Variants in MBP observed in about 807,000 individuals in gnomAD.
MBP encodes the protein Golli-MBP.
A neutral mutation model predicts 35.8 loss-of-function variants in MBP; 16 were observed. The ratio of observed to expected loss-of-function variants is 0.45; its 90% CI spans 0.30 to 0.68. The LOEUF (loss-of-function observed/expected upper bound fraction) is 0.68, where lower values mean the gene tolerates loss of function less well. MBP is among the 30% of genes least tolerant of loss of function. The pLI is 0.08. For missense variants in MBP, 380 were observed against 404.7 expected, an observed-to-expected ratio of 0.94 and a Z score of 0.52; for synonymous variants, 143 against 159.6, an observed-to-expected ratio of 0.90 and a Z score of 0.78.
intron 4 of MBP, among the ~76,000 whole-genome samples, chr18:77,002,226 G>C (rs1182435876): frequency 6.6e-6 from 1 of 152,176 alleles, no homozygotes; most frequent in Non-Finnish European, 1.5e-5. Context: ...CATGCACCTG[G>C]CTCTCTCCAC....
chr18:77,064,662 C>CA (rs1264039996), intron 3 of MBP, among the ~76,000 whole-genome samples: 9 of 151,934 alleles, frequency 5.9e-5, no homozygotes, highest in Non-Finnish European at 8.8e-5. Flanking sequence ...TAATCACGAA[C>CA]AAAAAAAATC....
chr18:77,065,148 A>G (rs1974142783), intron 3 of MBP, among the ~76,000 whole-genome samples: 1 of 152,234 alleles, frequency 6.6e-6, no homozygotes, highest in Admixed American at 6.5e-5. Flanking sequence ...TTCATTTTCT[A>G]TTGCTATAAC....
chr18:77,064,675 C>T (rs903178015), intron 3 of MBP, among the ~76,000 whole-genome samples: 5 of 152,166 alleles, frequency 3.3e-5, no homozygotes, highest in Admixed American at 3.3e-4. Flanking sequence ...AAAAAATCGG[C>T]ATAAATTATC....
At chr18:77,064,493 G>T (rs952413672) in intron 3 of MBP, among the ~76,000 whole-genome samples, 7 of 152,154 alleles carry the variant, frequency 4.6e-5, no homozygotes, top group African/African-American at 1.7e-4. Flanking sequence ...TCTAGTAAAG[G>T]AGTCCTCATT....
intron 2 of MBP, among the ~76,000 whole-genome samples, chr18:77,097,926 G>A (rs1975830108): frequency 6.6e-6 from 1 of 151,882 alleles, no homozygotes; most frequent in Non-Finnish European, 1.5e-5. Flanking sequence ...AAAAAATACA[G>A]TATTTAAATA....
intron 4 of MBP, chr18:77,015,079 C>T: frequency 4.1e-6 from 4 of 982,604 alleles, no homozygotes; most frequent in Non-Finnish European, 4.8e-6. Context: ...ACAATAAAGG[C>T]TGTAATCTTA....
intron 4 of MBP, among the ~76,000 whole-genome samples, chr18:76,995,440 TATG>T (rs1271130776): frequency 2.6e-5 from 4 of 152,182 alleles, no homozygotes; most frequent in African/African-American, 7.2e-5. Flanking sequence ...TAAGATTGAC[TATG>T]CAGCCATGGT....
At chr18:77,030,589 T>C (rs1351820705) in intron 3 of MBP, among the ~76,000 whole-genome samples, 1 of 152,242 alleles carries the variant, frequency 6.6e-6, no homozygotes, top group Non-Finnish European at 1.5e-5. Context: ...TCCATATATC[T>C]AAATACACCA....
chr18:77,042,536 G>A (rs1173486855), intron 3 of MBP, among the ~76,000 whole-genome samples: 1 of 152,126 alleles, frequency 6.6e-6, no homozygotes, highest in Admixed American at 6.5e-5. Flanking sequence ...TCTGTATTGC[G>A]GGATAGACAT....
chr18:77,025,486 G>A (rs768149221), intron 3 of MBP, among the ~76,000 whole-genome samples: 4 of 152,050 alleles, frequency 2.6e-5, no homozygotes, highest in Non-Finnish European at 2.9e-5. Flanking sequence ...AACAAAAGCC[G>A]AGTCCCACAC....
At chr18:77,049,551 T>C (rs1456112920) in intron 3 of MBP, among the ~76,000 whole-genome samples, 1 of 152,238 alleles carries the variant, frequency 6.6e-6, no homozygotes, top group Non-Finnish European at 1.5e-5. Flanking sequence ...CTCAGATTTA[T>C]TTATTATTAG....
intron 3 of MBP, 169 bp from the exon 4 acceptor site, chr18:77,017,437 C>T (rs2123469660): frequency 4.3e-6 from 2 of 461,718 alleles, no homozygotes; most frequent in Non-Finnish European, 3.6e-6. Flanking sequence ...ATGGAGCAGC[C>T]TTATTGCAGC....
rs978063080 is a variant in MBP at position 77,014,022 on chromosome 18, A to C, written c.576+2810T>G. 12 of 985,326 alleles carry C rather than the reference A, an allele frequency of 1.2e-5. No homozygotes were observed. The African/African-American group carries it at 2.1e-4, about 17-fold the overall frequency. 61.0% of individuals were successfully genotyped at this position (985,326 alleles called of 1,614,324 possible). Reference sequence around the variant, plus strand: ...CAATCTTGGCCCTAAGTGCTCACCCATTCCTCATGTGACCCTGACATTCCG... The same window carrying C: ...CAATCTTGGCCCTAAGTGCTCACCCCTTCCTCATGTGACCCTGACATTCCG... On this transcript the variant is annotated intron_variant, in intron 4 of 8. Coordinates refer to ENST00000355994, the MANE Select transcript of MBP (RefSeq NM_001025101.2).
chr18:77,118,670 CCACA>C (rs1178025816), intron 1 of MBP, among the ~76,000 whole-genome samples: 3 of 138,946 alleles, frequency 2.2e-5, no homozygotes, highest in Non-Finnish European at 4.7e-5. Context: ...ACACTACATA[CCACA>C]CACACACACC....
intron 4 of MBP, chr18:76,990,895 C>A: frequency 3.2e-6 from 1 of 311,134 alleles, no homozygotes; most frequent in Admixed American, 4.3e-5. Flanking sequence ...TTTCTATCAC[C>A]GACTCAGTGT....
chr18:77,039,987 T>C (rs1468618363), intron 3 of MBP, among the ~76,000 whole-genome samples: 3 of 152,208 alleles, frequency 2.0e-5, no homozygotes, highest in Admixed American at 1.3e-4. Flanking sequence ...TTGGTTTTCA[T>C]TGTTCGTAGA....
intron 1 of MBP, among the ~76,000 whole-genome samples, chr18:77,123,710 C>T (rs1489023663): frequency 6.6e-6 from 1 of 152,220 alleles, no homozygotes; most frequent in Non-Finnish European, 1.5e-5. Context: ...CAGCTTGTCC[C>T]CTCTCCTGGT....
chr18:77,050,088 G>C (rs72988974), intron 3 of MBP, among the ~76,000 whole-genome samples: 9,165 of 152,124 alleles, frequency 0.06, 411 homozygotes, highest in Non-Finnish European at 0.087. Context: ...TGACGTTCTT[G>C]GTAGAATGTC....
At chr18:77,052,813 C>T (rs1249577744) in intron 3 of MBP, among the ~76,000 whole-genome samples, 5 of 152,116 alleles carry the variant, frequency 3.3e-5, no homozygotes, top group Non-Finnish European at 5.9e-5. Context: ...GGCCTGAGTC[C>T]CCGAGCCCCC....
Sources: allele counts gnomAD v4.1 joint callset (sites outside exome capture counted in the v4.1 genomes callset), GRCh38; gene constraint gnomAD v4.1.1; transcripts MANE v1.5; gene names NCBI Gene and HGNC (gene_info 2026-07-23, HGNC 2026-07-21).